Variants in BCL2 observed in about 807,000 individuals in gnomAD.
BCL2 encodes the protein BCL2 apoptosis regulator, also known as apoptosis regulator Bcl-2.
In BCL2, 1 loss-of-function variant was observed where a neutral mutation model predicts 14.2. That is an observed-to-expected ratio of 0.07 (90% CI 0.02 to 0.33). The LOEUF is 0.33. BCL2 is among the 10% of genes least tolerant of loss of function. The pLI is 0.99. For missense variants in BCL2, 247 were observed against 305.9 expected (o/e 0.81, Z 1.44); for synonymous variants, 151 against 137.2 (o/e 1.10, Z -0.70).
intron 2 of BCL2, among the ~76,000 whole-genome samples, chr18:63,283,770 C>G (rs373808389): frequency 6.6e-6 from 1 of 152,140 alleles, no homozygotes; most frequent in East Asian, 1.9e-4. Context: ...TCTATCCCTC[C>G]TAAGTCACCA....
At chr18:63,294,266 G>A (rs553909629) in intron 2 of BCL2, among the ~76,000 whole-genome samples, 2 of 152,020 alleles carry the variant, frequency 1.3e-5, no homozygotes, top group Admixed American at 6.5e-5. Flanking sequence ...AACCCTCAGT[G>A]AGGGAATGTG....
At chr18:63,133,645 T>C (rs781453866) in intron 2 of BCL2, among the ~76,000 whole-genome samples, 26 of 152,014 alleles carry the variant, frequency 1.7e-4, no homozygotes, top group Non-Finnish European at 3.7e-4. Flanking sequence ...AAAGGTCAGA[T>C]TGTCAAGAAT....
chr18:63,260,040 G>A (rs1911608990), intron 2 of BCL2, among the ~76,000 whole-genome samples: 1 of 152,044 alleles, frequency 6.6e-6, no homozygotes, highest in African/African-American at 2.4e-5. Flanking sequence ...CTTAGACTCA[G>A]ATGTTCCAGA....
chr18:63,183,077 G>T (rs12968867), intron 2 of BCL2, among the ~76,000 whole-genome samples: 5 of 152,012 alleles, frequency 3.3e-5, no homozygotes, highest in African/African-American at 1.2e-4. Flanking sequence ...CACACTGATG[G>T]TGGGGCTCAG....
At chr18:63,194,544 A>G (rs1456640059) in intron 2 of BCL2, among the ~76,000 whole-genome samples, 2 of 152,098 alleles carry the variant, frequency 1.3e-5, no homozygotes, top group Non-Finnish European at 2.9e-5. Context: ...CATGTTGGCC[A>G]GGCTGTAATA....
In BCL2 at chr18:63,200,593, G is replaced by C. The variant is rs549028178; in HGVS notation, c.586-71834C>G. On this transcript the variant is annotated intron_variant, in intron 2 of 2. Coordinates refer to ENST00000333681, the MANE Select transcript of BCL2 (RefSeq NM_000633.3). ...CCAAAAATGATAGAGTTGGCAGTGG[G>C]CCATGGGATGGGAAAACAAATCAAG... Among the ~76,000 whole-genome samples the C allele has an allele frequency of 1.0e-3, 157 of 152,318 alleles. 1 individual carries two copies. Among genetic ancestry groups the C allele is most frequent in the African/African-American group, 3.7e-3 (154 of 41,570 alleles).
intron 2 of BCL2, among the ~76,000 whole-genome samples, chr18:63,246,758 C>T (rs1327171953): frequency 1.3e-5 from 2 of 152,186 alleles, no homozygotes; most frequent in African/African-American, 4.8e-5. Context: ...GCCCATGTGG[C>T]ACCATGAGAA....
chr18:63,285,263 G>A (rs1441883597), intron 2 of BCL2, among the ~76,000 whole-genome samples: 1 of 152,216 alleles, frequency 6.6e-6, no homozygotes, highest in Non-Finnish European at 1.5e-5. Flanking sequence ...AGGGAATGAG[G>A]GCCCGTTGTT....
At chr18:63,280,447 C>T (rs923377487) in intron 2 of BCL2, among the ~76,000 whole-genome samples, 2 of 152,148 alleles carry the variant, frequency 1.3e-5, no homozygotes, top group East Asian at 1.9e-4. Flanking sequence ...AACGGATTAA[C>T]GTCCAGAATA....
chr18:63,239,699 C>G (rs1254470813), intron 2 of BCL2, among the ~76,000 whole-genome samples: 1 of 151,174 alleles, frequency 6.6e-6, no homozygotes, highest in Admixed American at 6.6e-5. Context: ...GAGATCGCGC[C>G]ACTGCACTCC....
intron 2 of BCL2, among the ~76,000 whole-genome samples, chr18:63,247,718 A>G (rs1234524878): frequency 6.6e-6 from 1 of 152,140 alleles, no homozygotes; most frequent in Non-Finnish European, 1.5e-5. Context: ...ATGAGAGGTC[A>G]GGAGTGAGGG....
At chr18:63,146,420 A>C (rs942084728) in intron 2 of BCL2, among the ~76,000 whole-genome samples, 2 of 152,174 alleles carry the variant, frequency 1.3e-5, no homozygotes, top group Non-Finnish European at 2.9e-5. Context: ...AGGTAACTAG[A>C]GGCAGTGTGG....
At chr18:63,172,669 T>C (rs1382557456) in intron 2 of BCL2, among the ~76,000 whole-genome samples, 5 of 152,112 alleles carry the variant, frequency 3.3e-5, no homozygotes, top group Non-Finnish European at 5.9e-5. Flanking sequence ...TAGTCCCAGC[T>C]ACTCGGGAGG....
intron 2 of BCL2, among the ~76,000 whole-genome samples, chr18:63,269,568 A>T (rs933213816): frequency 1.3e-5 from 2 of 152,236 alleles, no homozygotes; most frequent in Admixed American, 6.5e-5. Flanking sequence ...GGCCATTTTT[A>T]TCTAAAAGAA....
intron 2 of BCL2, among the ~76,000 whole-genome samples, chr18:63,165,458 A>G (rs1176020876): frequency 1.3e-5 from 2 of 152,118 alleles, no homozygotes; most frequent in Non-Finnish European, 2.9e-5. Context: ...GGGGAGCCGC[A>G]GGCATCTTCT....
intron 2 of BCL2, among the ~76,000 whole-genome samples, chr18:63,229,301 A>G (rs770281970): frequency 9.2e-5 from 14 of 152,216 alleles, no homozygotes; most frequent in Non-Finnish European, 1.5e-4. Flanking sequence ...TGAAAATGTC[A>G]AAAATATGCA....
At chr18:63,161,447 G>C (rs1361267822) in intron 2 of BCL2, among the ~76,000 whole-genome samples, 1 of 152,112 alleles carries the variant, frequency 6.6e-6, no homozygotes, top group Admixed American at 6.5e-5. Context: ...TCTTTGCAAC[G>C]AATGAAGACC....
chr18:63,169,327 CCTTTCCTTCCTT>C (rs1915147140), intron 2 of BCL2, among the ~76,000 whole-genome samples: 1 of 36,906 alleles, frequency 2.7e-5, no homozygotes, highest in African/African-American at 2.2e-4. Context: ...TTCCTTCTTT[CCTTTCCTTCCTT>C]TCTTTCTTTC....
Position 63,244,061 on chromosome 18 carries a change from T to C in BCL2, c.585+74021A>G, listed in dbSNP as rs146630555. On this transcript the variant is annotated intron_variant, in intron 2 of 2. Coordinates refer to ENST00000333681, the MANE Select transcript of BCL2 (RefSeq NM_000633.3). ...GAGTTCGAGACCAGCCTGTCCAACA[T>C]AGTGAGACCTCGTCTCTATTAAAAA... Among the ~76,000 whole-genome samples, 158 of 152,118 alleles carry C rather than the reference T, an allele frequency of 1.0e-3. 1 individual carries two copies. Among genetic ancestry groups the C allele is most frequent in the African/African-American group, 2.8e-3 (117 of 41,504 alleles).
Sources: gnomAD v4.1 joint callset for allele counts (sites outside exome capture counted in the v4.1 genomes callset) on GRCh38, gnomAD v4.1.1 for gene constraint, MANE v1.5 for transcripts, NCBI Gene and HGNC (gene_info 2026-07-23, HGNC 2026-07-21) for gene names.